The following NAALADL2 variants were observed in gnomAD, a reference collection of about 807,000 sequenced individuals.
NAALADL2 encodes inactive N-acetylated-alpha-linked acidic dipeptidase-like protein 2.
A neutral mutation model predicts 87.2 loss-of-function variants in NAALADL2; 76 were observed. That is an observed-to-expected ratio of 0.87 (90% CI 0.72 to 1.05). NAALADL2 has a LOEUF of 1.05. NAALADL2 is among the 50% of genes least tolerant of loss of function. NAALADL2 has a pLI of 0.00. For synonymous variants in NAALADL2, 354 were observed against 331.0 expected, an observed-to-expected ratio of 1.07 and a Z score of -0.75; for missense variants, 1,089 against 945.8, an observed-to-expected ratio of 1.15 and a Z score of -1.99.
intron 4 of NAALADL2, among the ~76,000 whole-genome samples, chr3:175,311,021 A>C (rs1280723879): frequency 2.0e-5 from 3 of 151,870 alleles, no homozygotes; most frequent in Non-Finnish European, 4.4e-5. Context: ...GGCTGTGAGG[A>C]GTGGAATCAC....
At chr3:175,652,168 T>C (rs1222154100) in intron 11 of NAALADL2, among the ~76,000 whole-genome samples, 1 of 152,204 alleles carries the variant, frequency 6.6e-6, no homozygotes, top group Admixed American at 6.5e-5. Flanking sequence ...ATGAGTTAAC[T>C]ATTTTCAGTG....
At chr3:175,545,710 A>G (rs925338226) in intron 9 of NAALADL2, among the ~76,000 whole-genome samples, 3 of 152,302 alleles carry the variant, frequency 2.0e-5, no homozygotes, top group East Asian at 3.9e-4. Context: ...TGTTAGCTTA[A>G]TAAAAGTTGA....
intron 2 of NAALADL2, among the ~76,000 whole-genome samples, chr3:175,164,781 C>G (rs1438495548): frequency 1.3e-5 from 2 of 152,180 alleles, no homozygotes; most frequent in African/African-American, 4.8e-5. Context: ...GGGGGCATCC[C>G]TCAGGAAAGA....
At chr3:174,988,041 A>G (rs1746212685) in intron 1 of NAALADL2, among the ~76,000 whole-genome samples, 1 of 152,000 alleles carries the variant, frequency 6.6e-6, no homozygotes, top group South Asian at 2.1e-4. Flanking sequence ...CATGTGATGA[A>G]CAAAATATGG....
At chr3:175,001,947 C>T (rs1471125502) in intron 1 of NAALADL2, among the ~76,000 whole-genome samples, 1 of 152,124 alleles carries the variant, frequency 6.6e-6, no homozygotes, top group Non-Finnish European at 1.5e-5. Flanking sequence ...ACAATAGACT[C>T]TTCCAGTCTC....
At position 175,755,584 on chromosome 3, in the gene NAALADL2, A is replaced by G. The variant is rs186759380; in HGVS notation, c.2189+166A>G. Among the ~76,000 whole-genome samples the G allele has an allele frequency of 1.7e-3, 266 of 152,326 alleles. 2 individuals are homozygous for G. Among genetic ancestry groups the G allele is most frequent in the Non-Finnish European group, 2.0e-3 (139 of 68,028 alleles). On this transcript the variant is annotated intron_variant, in intron 13 of 13. Coordinates refer to ENST00000454872, the MANE Select transcript of NAALADL2 (RefSeq NM_207015.3). ...CTCCCCCAAAGAAAAATTAAACTGC[A>G]GAAATATAAAATAATGGAAACTTGG...
chr3:175,308,980 G>A (rs748863463), intron 4 of NAALADL2, among the ~76,000 whole-genome samples: 5 of 152,098 alleles, frequency 3.3e-5, no homozygotes, highest in Non-Finnish European at 5.9e-5. Flanking sequence ...GAATCCTTGA[G>A]CATGCCCAGG....
intron 2 of NAALADL2, among the ~76,000 whole-genome samples, chr3:174,553,494 G>A (rs1430060763): frequency 6.6e-6 from 1 of 152,066 alleles, no homozygotes; most frequent in Non-Finnish European, 1.5e-5. Flanking sequence ...AAATAATTAA[G>A]CAAGATAATG....
At chr3:175,371,760 G>A (rs572881222) in intron 5 of NAALADL2, among the ~76,000 whole-genome samples, 26 of 151,640 alleles carry the variant, frequency 1.7e-4, no homozygotes, top group African/African-American at 5.8e-4. Context: ...GGAGGCGGAG[G>A]TTGCAGTAAG....
intron 3 of NAALADL2, among the ~76,000 whole-genome samples, chr3:175,237,328 T>C (rs1243928899): frequency 6.6e-6 from 1 of 152,112 alleles, no homozygotes; most frequent in Non-Finnish European, 1.5e-5. Context: ...AGTATTTTAA[T>C]ATCTTTTTCA....
chr3:175,081,975 T>C (rs1165692884), intron 1 of NAALADL2, among the ~76,000 whole-genome samples: 1 of 152,210 alleles, frequency 6.6e-6, no homozygotes, highest in Non-Finnish European at 1.5e-5. Context: ...TTGAAATTTT[T>C]TCACTGAAGT....
intron 9 of NAALADL2, among the ~76,000 whole-genome samples, chr3:175,483,064 A>G (rs1464803444): frequency 1.3e-5 from 2 of 151,968 alleles, no homozygotes; most frequent in African/African-American, 2.4e-5. Context: ...CAAAATCACT[A>G]CTTGAGAAAT....
intron 11 of NAALADL2, among the ~76,000 whole-genome samples, chr3:175,727,858 GAGCATTAT>G (rs1233941912): frequency 6.6e-6 from 1 of 152,094 alleles, no homozygotes. Context: ...GCAAGAAGAG[GAGCATTAT>G]TCAGGTGTTG....
At chr3:175,376,788 G>T (rs1214941291) in intron 5 of NAALADL2, among the ~76,000 whole-genome samples, 1 of 152,060 alleles carries the variant, frequency 6.6e-6, no homozygotes, top group Non-Finnish European at 1.5e-5. Flanking sequence ...CTGAGGCTTT[G>T]CTCTTTTATA....
chr3:174,522,883 G>C (rs1431801509), intron 1 of NAALADL2, among the ~76,000 whole-genome samples: 2 of 139,046 alleles, frequency 1.4e-5, no homozygotes, highest in Non-Finnish European at 3.0e-5. Context: ...GCAGTGAGCC[G>C]AGATCTCGCC....
At chr3:174,668,738 A>G (rs58916495) in intron 2 of NAALADL2, among the ~76,000 whole-genome samples, 17,071 of 152,196 alleles carry the variant, frequency 0.11, 1,369 homozygotes, top group South Asian at 0.27. Context: ...ATGTCCCTAC[A>G]AAGGACATGA....
At chr3:175,585,211 C>T (rs73169502) in intron 10 of NAALADL2, among the ~76,000 whole-genome samples, 5,081 of 151,760 alleles carry the variant, frequency 0.033, 114 homozygotes, top group South Asian at 0.067. Flanking sequence ...ACACACTAAC[C>T]GAGGCCTCCA....
chr3:175,678,800 C>A (rs1018228191), intron 11 of NAALADL2, among the ~76,000 whole-genome samples: 1 of 152,110 alleles, frequency 6.6e-6, no homozygotes, highest in Non-Finnish European at 1.5e-5. Context: ...GTGCAGCACA[C>A]CAACATGGCA....
At chr3:175,072,377 A>AT (rs1715809299) in intron 1 of NAALADL2, among the ~76,000 whole-genome samples, 1 of 150,796 alleles carries the variant, frequency 6.6e-6, no homozygotes, top group Non-Finnish European at 1.5e-5. Context: ...GCTAGTTGTT[A>AT]TTTTTATAGT....
Sources: allele counts gnomAD v4.1 joint callset (sites outside exome capture counted in the v4.1 genomes callset), GRCh38; gene constraint gnomAD v4.1.1; transcripts MANE v1.5; gene names NCBI Gene and HGNC (gene_info 2026-07-23, HGNC 2026-07-21).